The following FANCC variants were observed in gnomAD, a reference collection of about 807,000 sequenced individuals.
FANCC encodes Fanconi anemia group C protein.
Under a neutral mutation model 71.3 loss-of-function variants are expected in FANCC, and 55 were observed. The observed-to-expected ratio is 0.77, with a 90% CI of 0.62 to 0.97. The LOEUF (loss-of-function observed/expected upper bound fraction) is 0.97. FANCC is among the 50% of genes least tolerant of loss of function. The pLI is 0.00. For synonymous variants in FANCC, 275 were observed against 244.9 expected, an observed-to-expected ratio of 1.12 and a Z score of -1.15; for missense variants, 678 against 670.9, an observed-to-expected ratio of 1.01 and a Z score of -0.12.
At chr9:95,208,077 CTTTTTTTTTTTTTTTTTTTT>C (rs58961733) in intron 4 of FANCC, among the ~76,000 whole-genome samples, 40 of 47,654 alleles carry the variant, frequency 8.4e-4, no homozygotes, top group African/African-American at 3.3e-3. Flanking sequence ...ATCCAGAAGC[CTTTTTTTTTTTTTTTTTTTT>C]TTTTTTTTTT....
rs915877195 is a variant in FANCC, at chr9:95,131,487, C to T, written c.843+3859G>A. On this transcript the variant is annotated intron_variant, in intron 8 of 14. Coordinates refer to ENST00000289081, the MANE Select transcript of FANCC (RefSeq NM_000136.3). ...AATTCCATTGCAAGGAAACTCGCAACGTGGGCCTCTTTCTTCACAGAGACT... is the reference window on the plus strand; with the variant it reads ...AATTCCATTGCAAGGAAACTCGCAATGTGGGCCTCTTTCTTCACAGAGACT... 5.3e-5 allele frequency among the ~76,000 whole-genome samples: 8 copies of T among 152,190 alleles called. No individual in the cohort carries two copies. The South Asian group carries it at 1.2e-3, about 24-fold the overall frequency.
chr9:95,204,409 T>A (rs752367975), intron 4 of FANCC, among the ~76,000 whole-genome samples: 1 of 152,132 alleles, frequency 6.6e-6, no homozygotes, highest in Non-Finnish European at 1.5e-5. Flanking sequence ...TGAATAGAAA[T>A]CTGCTAAACT....
chr9:95,293,538 G>A, intron 1 of FANCC: 15 of 1,609,466 alleles, frequency 9.3e-6, no homozygotes, highest in Middle Eastern at 1.7e-4. Flanking sequence ...ACAAGAACTA[G>A]GGAACACATG....
intron 6 of FANCC, among the ~76,000 whole-genome samples, chr9:95,159,393 T>C (rs1208487125): frequency 6.6e-6 from 1 of 152,260 alleles, no homozygotes; most frequent in Admixed American, 6.5e-5. Flanking sequence ...TAGCATTCCA[T>C]GGTGTATTTG....
At chr9:95,186,366 G>T (rs1243726047) in intron 4 of FANCC, 1 of 152,220 alleles carries the variant, frequency 6.6e-6, no homozygotes, top group Non-Finnish European at 1.5e-5. Context: ...CCTCCTCAAT[G>T]CCAGGAGCCC....
intron 1 of FANCC, among the ~76,000 whole-genome samples, chr9:95,312,542 G>C (rs1257116121): frequency 2.0e-5 from 3 of 152,126 alleles, no homozygotes; most frequent in South Asian, 2.1e-4. Context: ...TGTAGAACAG[G>C]GGTTTTGCTA....
chr9:95,193,902 C>T (rs1196451700), intron 4 of FANCC, among the ~76,000 whole-genome samples: 1 of 152,140 alleles, frequency 6.6e-6, no homozygotes, highest in Non-Finnish European at 1.5e-5. Flanking sequence ...ACATACCAGG[C>T]ATAAAGGTGA....
rs144225865 is a variant in FANCC at position 95,223,775 on chromosome 9, G to A, written c.345+16874C>T. On this transcript the variant is annotated intron_variant, in intron 4 of 14. Transcript: ENST00000289081. Reference sequence around the variant, plus strand: ...GTGGATCACCTGAGGTCGGGAGTTCGAGACCAGCCTGACCAACATGGAGAA... The same window carrying A: ...GTGGATCACCTGAGGTCGGGAGTTCAAGACCAGCCTGACCAACATGGAGAA... Among the ~76,000 whole-genome samples, 1,103 of 152,168 alleles carry A rather than the reference G, an allele frequency of 7.2e-3. 16 individuals are homozygous for A. Among genetic ancestry groups the A allele is most frequent in the African/African-American group, 0.023 (966 of 41,520 alleles).
Position 95,100,723 on chromosome 9 carries a change from C to A in FANCC, c.*984G>T. On this transcript the variant is annotated 3_prime_UTR_variant, in exon 15 of 15. Coordinates refer to ENST00000289081, the MANE Select transcript of FANCC (RefSeq NM_000136.3). ...TCGGCTCACTACAACTCCCACCTCCCGGGTTCAAGAGATCCTCATGCCTCA... is the reference window on the plus strand; with the variant it reads ...TCGGCTCACTACAACTCCCACCTCCAGGGTTCAAGAGATCCTCATGCCTCA... 4.4e-6 allele frequency: 1 copy of A among 227,196 alleles called. No homozygotes were observed. Among genetic ancestry groups the A allele is most frequent in the African/African-American group, 2.2e-5 (1 of 45,128 alleles). The allele number at this position is 227,196 out of a possible 1,614,324, so 14.1% of individuals were successfully genotyped here. A position where few individuals can be genotyped will look rare whatever the true frequency, so the allele number is the denominator to read the frequency against.
At chr9:95,253,901 CATGTGCA>C (rs1245804586) in intron 1 of FANCC, among the ~76,000 whole-genome samples, 1 of 152,242 alleles carries the variant, frequency 6.6e-6, no homozygotes, top group Non-Finnish European at 1.5e-5. Flanking sequence ...AGATCCCCTG[CATGTGCA>C]GTTCACAAGA....
chr9:95,141,360 G>C (rs1828664315), intron 7 of FANCC, among the ~76,000 whole-genome samples: 1 of 138,404 alleles, frequency 7.2e-6, no homozygotes, highest in Non-Finnish European at 1.5e-5. Flanking sequence ...AAGTCTCTCA[G>C]TTTCCATCAT....
At chr9:95,252,529 G>A (rs1265342637) in intron 1 of FANCC, among the ~76,000 whole-genome samples, 2 of 151,534 alleles carry the variant, frequency 1.3e-5, no homozygotes, top group Non-Finnish European at 2.9e-5. Flanking sequence ...GGCGGATCAC[G>A]AGGTCAGGAG....
In FANCC at chr9:95,240,693, C is replaced by CT. The variant is rs1435749261; in HGVS notation, c.300dup (p.Glu101ArgfsTer11). Reference sequence around the variant, plus strand: ...TTTGATTGTCCAGAATTCTGTGGTTCTTTGTTAATTAGACAACATAAGCAC... The same window carrying CT: ...TTTGATTGTCCAGAATTCTGTGGTTCTTTTGTTAATTAGACAACATAAGCAC... On this transcript the variant is annotated frameshift_variant, in exon 4 of 15. Transcript: ENST00000289081. LOFTEE classifies it high-confidence loss of function. 1 of 1,613,270 alleles carries CT rather than the reference C, an allele frequency of 6.2e-7. No individual in the cohort carries two copies. The highest frequency in any genetic ancestry group is 2.2e-5 in the East Asian group (1 of 44,742).
chr9:95,222,856 T>C (rs1829369516), intron 4 of FANCC, among the ~76,000 whole-genome samples: 1 of 152,178 alleles, frequency 6.6e-6, no homozygotes. Context: ...GTATAAAAAA[T>C]TTTCATCCAG....
At chr9:95,270,447 AG>A (rs772575075) in intron 1 of FANCC, among the ~76,000 whole-genome samples, 5 of 152,260 alleles carry the variant, frequency 3.3e-5, no homozygotes, top group Admixed American at 6.5e-5. Flanking sequence ...ACTTCAAAAC[AG>A]CAAATGTGTC....
intron 12 of FANCC, among the ~76,000 whole-genome samples, chr9:95,113,525 G>A (rs553695938): frequency 4.6e-5 from 7 of 151,980 alleles, no homozygotes; most frequent in African/African-American, 7.3e-5. Flanking sequence ...CAGGCACAGC[G>A]GTCCACACCT....
Position 95,293,104 on chromosome 9 carries a change from C to T in FANCC, c.-79+24422G>A, listed in dbSNP as rs1335183753. 13 of 1,612,950 alleles carry T rather than the reference C, an allele frequency of 8.1e-6. No homozygotes were observed. In the East Asian group the frequency reaches 2.9e-4, roughly 36 times the overall value. On this transcript the variant is annotated intron_variant, in intron 1 of 14. Transcript: ENST00000289081. ...CCAACCAATCCCTAGACCAGACACCCAAGAACTAGAAGCTTCAGAAATAAA... is the reference window on the plus strand; with the variant it reads ...CCAACCAATCCCTAGACCAGACACCTAAGAACTAGAAGCTTCAGAAATAAA...
At chr9:95,256,681 A>AT (rs1831677334) in intron 1 of FANCC, among the ~76,000 whole-genome samples, 1 of 152,238 alleles carries the variant, frequency 6.6e-6, no homozygotes, top group East Asian at 1.9e-4. Context: ...AAATTCACAC[A>AT]TAAAAATATT....
At chr9:95,296,375 T>C (rs1834374749) in intron 1 of FANCC, among the ~76,000 whole-genome samples, 1 of 152,142 alleles carries the variant, frequency 6.6e-6, no homozygotes. Context: ...AAGGAAAACT[T>C]TGAAGAAATA....
Sources: allele counts gnomAD v4.1 joint callset (sites outside exome capture counted in the v4.1 genomes callset), GRCh38; gene constraint gnomAD v4.1.1; transcripts MANE v1.5; gene names NCBI Gene and HGNC (gene_info 2026-07-23, HGNC 2026-07-21).